The following ZKSCAN8 variants were observed in gnomAD, a reference collection of about 807,000 sequenced individuals.
ZKSCAN8 encodes the protein zinc finger with KRAB and SCAN domains 8.
ZKSCAN8 carries 27 observed loss-of-function variants against 57.2 expected under a neutral mutation model. The ratio of observed to expected loss-of-function variants is 0.47; its 90% CI spans 0.35 to 0.65. The LOEUF (loss-of-function observed/expected upper bound fraction) is 0.65. Ranked by LOEUF, ZKSCAN8 falls within the 30% of genes least tolerant of loss-of-function variation. The pLI is 0.01. For synonymous variants in ZKSCAN8, 214 were observed against 248.7 expected (o/e 0.86, Z 1.31); for missense variants, 597 against 696.3 (o/e 0.86, Z 1.60).
rs957792349 is a variant in ZKSCAN8 at position 28,152,328 on chromosome 6, A to G, written c.719A>G (p.Gln240Arg). The stretch of plus-strand genomic sequence containing the variant: ...GAGGAGTGGCTTCTTGATCCATCAC[A>G]GAAGGATCTGTGTAGAGATAACAGG... Reference protein sequence around the residue: ...IREEWLLDPSQKDLCRDNRPE... With the variant: ...IREEWLLDPSRKDLCRDNRPE... Residue 240 changes from glutamine to arginine, a missense_variant, in exon 5 of 6, where the codon CAG becomes CGG. Coordinates refer to ENST00000330236, the MANE Select transcript of ZKSCAN8 (RefSeq NM_006298.4). 1 of 1,613,902 alleles carries G rather than the reference A, an allele frequency of 6.2e-7. No individual in the cohort carries two copies. Among genetic ancestry groups the G allele is most frequent in the African/African-American group, 1.3e-5 (1 of 75,034 alleles).
chr6:28,149,383 C>T (rs1256270960), intron 2 of ZKSCAN8, 100 bp from the exon 3 acceptor site: 1 of 1,450,970 alleles, frequency 6.9e-7, no homozygotes, highest in East Asian at 2.4e-5. Flanking sequence ...TGCTTCCTTC[C>T]CCAAGCATAT....
intron 1 of ZKSCAN8, among the ~76,000 whole-genome samples, chr6:28,147,976 T>C (rs1464504770): frequency 6.6e-6 from 1 of 152,128 alleles, no homozygotes; most frequent in African/African-American, 2.4e-5. Flanking sequence ...TATCAAAGAC[T>C]AAAAGGGGTT....
rs1765887997 is a variant in ZKSCAN8 at position 28,159,400 on chromosome 6, C to A, written c.*5383C>A. ...ACTTTTACATTTGTATCTCTGCACC[C>A]CCGAGTGCCTAGTATAGTGCTGAGC... On this transcript the variant is annotated 3_prime_UTR_variant, in exon 6 of 6. Transcript: ENST00000330236. 4 of 152,196 alleles carry A rather than the reference C, an allele frequency of 2.6e-5. No homozygotes were observed. The South Asian group carries it at 8.3e-4, about 32-fold the overall frequency. 9.4% of individuals were successfully genotyped at this position (152,196 alleles called of 1,614,324 possible).
At chr6:28,149,687 A>G (rs1765529792) in intron 3 of ZKSCAN8, 63 bp downstream of exon 3, 1 of 1,584,726 alleles carries the variant, frequency 6.3e-7, no homozygotes, top group Admixed American at 1.8e-5. Context: ...CATTTGGGAT[A>G]CCTATCTAGT....
At chr6:28,146,021 A>G (rs1193939062) in intron 1 of ZKSCAN8, among the ~76,000 whole-genome samples, 1 of 152,264 alleles carries the variant, frequency 6.6e-6, no homozygotes. Flanking sequence ...AACCAAAGTT[A>G]CCATTGCAGT....
rs2113583623 is a variant in ZKSCAN8, at chr6:28,148,461, T to C, written c.54T>C (p.Pro18=). 1.2e-6 allele frequency: 2 copies of C among 1,614,150 alleles called. No individual in the cohort carries two copies. The highest frequency in any genetic ancestry group is 2.2e-5 in the South Asian group (2 of 91,082). Residue 18 remains proline, a synonymous_variant, in exon 2 of 6, where the codon CCT becomes CCC. Coordinates refer to ENST00000330236, the MANE Select transcript of ZKSCAN8 (RefSeq NM_006298.4). ...CCCCATCCCCACCAGACCAGACTCCTGAAGAGGATCTTGTAATCGTCAAGG... is the reference window on the plus strand; with the variant it reads ...CCCCATCCCCACCAGACCAGACTCCCGAAGAGGATCTTGTAATCGTCAAGG... The part of the protein sequence containing the change: ...PSAPSPPDQT[P]EEDLVIVKVE...
chr6:28,156,502 T>A lies in ZKSCAN8; in HGVS notation c.*2485T>A. 1 of 299,546 alleles carries A rather than the reference T, an allele frequency of 3.3e-6. No individual in the cohort carries two copies. Among genetic ancestry groups the A allele is most frequent in the Non-Finnish European group, 6.1e-6 (1 of 163,554 alleles). The allele number at this position is 299,546 out of a possible 1,614,324, so 18.6% of individuals were successfully genotyped here. On this transcript the variant is annotated 3_prime_UTR_variant, in exon 6 of 6. Coordinates refer to ENST00000330236, the MANE Select transcript of ZKSCAN8 (RefSeq NM_006298.4). ...TGTGTCTTGAAAGAATTATCAAAGC[T>A]GATACAGCACATATACAGAATTAGC...
intron 3 of ZKSCAN8, 92 bp downstream of exon 3, chr6:28,149,716 T>C (rs1765530543): frequency 6.8e-7 from 1 of 1,477,744 alleles, no homozygotes; most frequent in South Asian, 1.3e-5. Context: ...AACCAGGAAC[T>C]AAAATCCTGT....
intron 1 of ZKSCAN8, among the ~76,000 whole-genome samples, chr6:28,142,985 A>T (rs1765267640): frequency 1.3e-5 from 2 of 152,200 alleles, no homozygotes; most frequent in African/African-American, 4.8e-5. Flanking sequence ...GGAAGAATAC[A>T]TTCCTTCCAC....
rs1246116786 is a variant in ZKSCAN8 at position 28,155,199 on chromosome 6, T to C, written c.*1182T>C. The stretch of plus-strand genomic sequence containing the variant: ...TACCTTACCTCACAGGTTTTCATTC[T>C]TTTGAACTCTGGTGCACTCCATCTG... On this transcript the variant is annotated 3_prime_UTR_variant, in exon 6 of 6. Coordinates refer to ENST00000330236, the MANE Select transcript of ZKSCAN8 (RefSeq NM_006298.4). 1 of 152,228 alleles carries C rather than the reference T, an allele frequency of 6.6e-6. No homozygotes were observed. Among genetic ancestry groups the C allele is most frequent in the Non-Finnish European group, 1.5e-5 (1 of 68,030 alleles). The allele number at this position is 152,228 out of a possible 1,614,324, so 9.4% of individuals were successfully genotyped here.
intron 1 of ZKSCAN8, among the ~76,000 whole-genome samples, chr6:28,143,508 A>T (rs1269624370): frequency 6.6e-6 from 1 of 152,152 alleles, no homozygotes; most frequent in Non-Finnish European, 1.5e-5. Flanking sequence ...TGTACTGGTA[A>T]GTAGTGGGAT....
In ZKSCAN8 at chr6:28,151,926, C is replaced by T. The variant is rs754037685; in HGVS notation, c.641C>T (p.Ala214Val). The T allele has an allele frequency of 1.2e-6, 2 of 1,614,122 alleles. No homozygotes were observed. The highest frequency in any genetic ancestry group is 4.5e-5 in the East Asian group (2 of 44,878). The change falls in exon 4 of 6, where the codon GCA becomes GTA. Residue 214 changes from alanine to valine, a missense_variant. Transcript: ENST00000330236. ...DQEMTATLLT[A>V]GFQTLEKIED... Reference sequence around the variant, plus strand: ...GAAATGACAGCTACACTTCTCACAGCAGGGTTCCAGGTGAGTTGTGCTCCT... The same window carrying T: ...GAAATGACAGCTACACTTCTCACAGTAGGGTTCCAGGTGAGTTGTGCTCCT...
intron 1 of ZKSCAN8, 118 bp from the exon 2 acceptor site, chr6:28,148,198 G>A: frequency 2.0e-6 from 1 of 501,372 alleles, no homozygotes; most frequent in South Asian, 2.7e-5. Flanking sequence ...CAGTGGGGAG[G>A]ATCATTTAAT....
intron 1 of ZKSCAN8, among the ~76,000 whole-genome samples, chr6:28,145,185 A>G (rs1344983365): frequency 6.6e-6 from 1 of 152,168 alleles, no homozygotes; most frequent in Non-Finnish European, 1.5e-5. Flanking sequence ...CCTGGCCTCT[A>G]TGTACAAGAT....
Position 28,156,435 on chromosome 6 carries a change from A to G in ZKSCAN8, c.*2418A>G. 2.6e-6 allele frequency: 1 copy of G among 382,478 alleles called. No homozygotes were observed. The highest frequency in any genetic ancestry group is 4.6e-6 in the Non-Finnish European group (1 of 215,902). The allele number at this position is 382,478 out of a possible 1,614,324, so 23.7% of individuals were successfully genotyped here. ...GTGGCATAAATTTGGAGAAAATAAT[A>G]TGACTAGAAAAATTAGTGTTATATT... On this transcript the variant is annotated 3_prime_UTR_variant, in exon 6 of 6. Transcript: ENST00000330236.
chr6:28,142,667 A>C (rs935410104), intron 1 of ZKSCAN8, among the ~76,000 whole-genome samples: 16 of 152,314 alleles, frequency 1.1e-4, no homozygotes, highest in Admixed American at 6.5e-4. Context: ...GTTAGTCATG[A>C]GTAATTTTTG....
Position 28,154,028 on chromosome 6 carries a change from A to G in ZKSCAN8, c.*11A>G. On this transcript the variant is annotated 3_prime_UTR_variant, in exon 6 of 6. Transcript: ENST00000330236. ...TCCATAAGCGTTTAGGAACAACATCAGTTAGAGTTTGAGCATTATTCAGCA... is the reference window on the plus strand; with the variant it reads ...TCCATAAGCGTTTAGGAACAACATCGGTTAGAGTTTGAGCATTATTCAGCA... The G allele has an allele frequency of 6.4e-7, 1 of 1,572,458 alleles. No individual in the cohort carries two copies. Among genetic ancestry groups the G allele is most frequent in the Non-Finnish European group, 8.6e-7 (1 of 1,162,612 alleles).
chr6:28,146,672 C>A (rs1765406743), intron 1 of ZKSCAN8, among the ~76,000 whole-genome samples: 1 of 152,078 alleles, frequency 6.6e-6, no homozygotes, highest in Non-Finnish European at 1.5e-5. Flanking sequence ...TGAAAACGAA[C>A]AACAAAGTTG....
In ZKSCAN8 at chr6:28,151,421, T is replaced by G. The variant is rs868017565; in HGVS notation, c.560-424T>G. 1.3e-3 allele frequency among the ~76,000 whole-genome samples: 205 copies of G among 152,320 alleles called. 7 individuals are homozygous for G. In the South Asian group the frequency reaches 0.034, roughly 25 times the overall value. On this transcript the variant is annotated intron_variant, in intron 3 of 5. Transcript: ENST00000330236. ...TTAATAATAAGCCGTTTAATATCTA[T>G]AGAAAGCAAATACTGGGAGCCATAG...
Sources: allele counts gnomAD v4.1 joint callset (sites outside exome capture counted in the v4.1 genomes callset), GRCh38; gene constraint gnomAD v4.1.1; transcripts MANE v1.5; gene names NCBI Gene and HGNC (gene_info 2026-07-23, HGNC 2026-07-21).